FAM53B: variants seen among roughly 807,000 people sequenced by gnomAD.
FAM53B encodes protein FAM53B.
In FAM53B, 12 loss-of-function variants were observed where a neutral mutation model predicts 32.7. The ratio of observed to expected loss-of-function variants is 0.37; its 90% CI spans 0.24 to 0.59. FAM53B has a LOEUF of 0.59. Among genes scored for constraint, FAM53B ranks in the 20% least tolerant of loss-of-function variants. FAM53B has a pLI of 0.72. For missense variants in FAM53B, 477 were observed against 577.7 expected (o/e 0.83, Z 1.79); for synonymous variants, 234 against 228.7 (o/e 1.02, Z -0.21).
chr10:124,641,087 C>T (rs916065030), intron 4 of FAM53B, among the ~76,000 whole-genome samples: 24 of 152,354 alleles, frequency 1.6e-4, no homozygotes, highest in African/African-American at 5.8e-4. Flanking sequence ...AAGAAACCAG[C>T]ACAGTGCCCA....
chr10:124,681,431 G>A (rs527623539), intron 4 of FAM53B, among the ~76,000 whole-genome samples, 176 bp downstream of exon 4: 3 of 152,226 alleles, frequency 2.0e-5, no homozygotes, highest in South Asian at 2.1e-4. Context: ...AGAAATAAAC[G>A]CTTTTTAAAA....
At chr10:124,657,458 T>C (rs1359506381) in intron 4 of FAM53B, among the ~76,000 whole-genome samples, 1 of 152,160 alleles carries the variant, frequency 6.6e-6, no homozygotes, top group Non-Finnish European at 1.5e-5. Context: ...GCGTTATAAC[T>C]GCTCAGAAAA....
At chr10:124,712,348 C>A (rs1453894486) in intron 1 of FAM53B, among the ~76,000 whole-genome samples, 1 of 151,974 alleles carries the variant, frequency 6.6e-6, no homozygotes, top group Non-Finnish European at 1.5e-5. Flanking sequence ...AGAGCAATAC[C>A]CTGTCTCAAA....
chr10:124,623,053 C>A lies in FAM53B; in HGVS notation c.*189G>T. Reference sequence around the variant, plus strand: ...GGGAGCCGGTGAGAGGCTGACACACCCGCTGTATGACGCGGCCAGGCCAGG... The same window carrying A: ...GGGAGCCGGTGAGAGGCTGACACACACGCTGTATGACGCGGCCAGGCCAGG... On this transcript the variant is annotated 3_prime_UTR_variant, in exon 5 of 5. Coordinates refer to ENST00000337318, the MANE Select transcript of FAM53B (RefSeq NM_014661.4). The A allele has an allele frequency of 1.4e-6, 1 of 700,010 alleles. No homozygotes were observed. The highest frequency in any genetic ancestry group is 3.1e-5 in the Admixed American group (1 of 32,382). 43.4% of individuals were successfully genotyped at this position (700,010 alleles called of 1,614,324 possible). A position where few individuals can be genotyped will look rare whatever the true frequency, so the allele number is the denominator to read the frequency against.
intron 3 of FAM53B, among the ~76,000 whole-genome samples, chr10:124,692,953 G>A (rs1288616407): frequency 6.6e-6 from 1 of 152,078 alleles, no homozygotes; most frequent in African/African-American, 2.4e-5. Context: ...GGGCTCAGGA[G>A]GAAAAAATCC....
chr10:124,664,023 T>C (rs1056621652), intron 4 of FAM53B, among the ~76,000 whole-genome samples: 1 of 152,104 alleles, frequency 6.6e-6, no homozygotes, highest in African/African-American at 2.4e-5. Flanking sequence ...CGGTCAGTGC[T>C]GCCTGGATGC....
At chr10:124,700,663 A>C (rs1373708417) in intron 2 of FAM53B, among the ~76,000 whole-genome samples, 1 of 152,264 alleles carries the variant, frequency 6.6e-6, no homozygotes, top group Non-Finnish European at 1.5e-5. Flanking sequence ...CTGACTAAAG[A>C]AAGCAGCCCT....
chr10:124,660,648 T>A (rs1949625319), intron 4 of FAM53B, among the ~76,000 whole-genome samples: 1 of 152,220 alleles, frequency 6.6e-6, no homozygotes, highest in South Asian at 2.1e-4. Context: ...CTGGGCCCTA[T>A]CGAGGGCCAG....
intron 4 of FAM53B, among the ~76,000 whole-genome samples, chr10:124,645,459 A>T (rs912152503): frequency 6.6e-6 from 1 of 151,770 alleles, no homozygotes; most frequent in African/African-American, 2.4e-5. Flanking sequence ...AGCATTCCCC[A>T]CCCCACCCCC....
intron 4 of FAM53B, among the ~76,000 whole-genome samples, chr10:124,663,181 G>A (rs2134057979): frequency 6.6e-6 from 1 of 152,308 alleles, no homozygotes; most frequent in Middle Eastern, 3.4e-3. Flanking sequence ...GAGCTGCAGT[G>A]GTAGACAGGA....
At chr10:124,704,711 A>G (rs1419297822) in intron 2 of FAM53B, among the ~76,000 whole-genome samples, 1 of 152,234 alleles carries the variant, frequency 6.6e-6, no homozygotes, top group African/African-American at 2.4e-5. Context: ...GGCCATGTAC[A>G]TCCTAGTAAG....
intron 1 of FAM53B, among the ~76,000 whole-genome samples, chr10:124,716,477 G>A (rs1564886615): frequency 6.6e-6 from 1 of 152,202 alleles, no homozygotes; most frequent in Admixed American, 6.5e-5. Context: ...CATTTCAAGA[G>A]GAGGGGGAGG....
intron 1 of FAM53B, among the ~76,000 whole-genome samples, chr10:124,739,272 TC>T (rs2134106534): frequency 6.6e-6 from 1 of 152,362 alleles, no homozygotes; most frequent in South Asian, 2.1e-4. Context: ...CTTTCTGCCT[TC>T]CGGCTATGTG....
At chr10:124,657,177 C>CATAT (rs368205103) in intron 4 of FAM53B, among the ~76,000 whole-genome samples, 1,290 of 75,018 alleles carry the variant, frequency 0.017, 11 homozygotes, top group South Asian at 0.037. Context: ...TATATATGTA[C>CATAT]ATATATATAT....
intron 1 of FAM53B, among the ~76,000 whole-genome samples, chr10:124,742,221 T>C (rs1228243402): frequency 6.6e-6 from 1 of 152,176 alleles, no homozygotes; most frequent in Non-Finnish European, 1.5e-5. Flanking sequence ...AGTCAAGGGC[T>C]ACCAATCCTG....
In FAM53B at chr10:124,723,502, A is replaced by G. The variant is rs1375340573; in HGVS notation, c.-174-16615T>C. 3.3e-5 allele frequency among the ~76,000 whole-genome samples: 5 copies of G among 152,278 alleles called. No homozygotes were observed. In the East Asian group the frequency reaches 9.7e-4, roughly 29 times the overall value. On this transcript the variant is annotated intron_variant, in intron 1 of 4. Coordinates refer to ENST00000337318, the MANE Select transcript of FAM53B (RefSeq NM_014661.4). Reference sequence around the variant, plus strand: ...CACAAAAACCCCTGTATCTGATCATACTCACACCTCCTCAGGAACCTGAAA... The same window carrying G: ...CACAAAAACCCCTGTATCTGATCATGCTCACACCTCCTCAGGAACCTGAAA...
intron 4 of FAM53B, among the ~76,000 whole-genome samples, chr10:124,624,466 C>G (rs1949332468): frequency 6.6e-6 from 1 of 152,194 alleles, no homozygotes; most frequent in African/African-American, 2.4e-5. Flanking sequence ...CAGCTGGGGG[C>G]CTCATCTGGA....
At chr10:124,696,775 C>T (rs1338768387) in intron 2 of FAM53B, among the ~76,000 whole-genome samples, 1 of 152,178 alleles carries the variant, frequency 6.6e-6, no homozygotes, top group African/African-American at 2.4e-5. Flanking sequence ...CCCCTTGAGG[C>T]ATTTTCTCTG....
At chr10:124,722,339 A>G (rs1950073741) in intron 1 of FAM53B, among the ~76,000 whole-genome samples, 1 of 152,214 alleles carries the variant, frequency 6.6e-6, no homozygotes, top group Non-Finnish European at 1.5e-5. Context: ...AATTTTAAAA[A>G]TTAAAAAAAA....
Sources: gnomAD v4.1 joint callset for allele counts (sites outside exome capture counted in the v4.1 genomes callset) on GRCh38, gnomAD v4.1.1 for gene constraint, MANE v1.5 for transcripts, NCBI Gene and HGNC (gene_info 2026-07-23, HGNC 2026-07-21) for gene names.